EDA: variants seen among roughly 807,000 people sequenced by gnomAD.
EDA encodes the protein ectodysplasin-A.
Under a neutral mutation model 23.6 loss-of-function variants are expected in EDA, and 2 were observed. The observed-to-expected ratio is 0.08, with a 90% CI of 0.03 to 0.27. EDA has a LOEUF of 0.27. Ranked by LOEUF, EDA falls within the 10% of genes least tolerant of loss-of-function variation. The pLI is 1.00. For synonymous variants in EDA, 131 were observed against 132.0 expected (o/e 0.99, Z 0.05); for missense variants, 229 against 324.2 (o/e 0.71, Z 2.26).
chrX:70,033,553 CTT>C (rs1320447376), intron 7 of EDA, 25 bp downstream of exon 7: 2 of 1,208,337 alleles, frequency 1.7e-6, no homozygotes, highest in East Asian at 5.9e-5. Flanking sequence ...AGGCCTAACT[CTT>C]CTTATATCCA....
intron 2 of EDA, among the ~76,000 whole-genome samples, chrX:69,965,416 A>G (rs2019159589): frequency 1.8e-5 from 2 of 112,151 alleles, no homozygotes; most frequent in Non-Finnish European, 3.8e-5. Context: ...GCAATGGGGA[A>G]GTACAGGATC....
chrX:70,021,610 T>A (rs1172021410), intron 2 of EDA, among the ~76,000 whole-genome samples: 1 of 110,906 alleles, frequency 9.0e-6, no homozygotes, highest in Non-Finnish European at 1.9e-5. Context: ...AAAAAAAAAA[T>A]TCATAAAGGA....
At chrX:69,617,010 C>CA in intron 1 of EDA, 1 of 424,249 alleles carries the variant, frequency 2.4e-6, no homozygotes, top group South Asian at 4.4e-5. Context: ...TGCGCTGCCC[C>CA]CCGGCCGACT....
intron 1 of EDA, among the ~76,000 whole-genome samples, chrX:69,784,989 C>T (rs974488458): frequency 9.1e-6 from 1 of 109,543 alleles, no homozygotes; most frequent in African/African-American, 3.3e-5. Flanking sequence ...TTGTAGTTCT[C>T]CTTGAAGAGG....
intron 1 of EDA, among the ~76,000 whole-genome samples, chrX:69,709,077 G>T (rs1376096356): frequency 8.9e-6 from 1 of 112,268 alleles, no homozygotes; most frequent in Non-Finnish European, 1.9e-5. Flanking sequence ...CTGAGATCAT[G>T]ATGGTTCACT....
At chrX:69,747,732 G>T (rs1478811039) in intron 1 of EDA, among the ~76,000 whole-genome samples, 1 of 111,966 alleles carries the variant, frequency 8.9e-6, no homozygotes, top group East Asian at 2.8e-4. Context: ...GCTTGCCCAT[G>T]GGTTAGATGG....
rs1181006363 is a variant in EDA at position 69,910,350 on chromosome X, G to GGAGAGAGA, written c.397-46659_397-46652dup. ...GGTTATCTATAATATGCTAGGTAAA[G>GGAGAGAGA]GAGAGAGAGAGAGAGAGAGAGAGAG... is the stretch of plus-strand genomic sequence containing the variant. On this transcript the variant is annotated intron_variant, in intron 1 of 7. Transcript: ENST00000374552. Among the ~76,000 whole-genome samples the GGAGAGAGA allele has an allele frequency of 5.5e-4, 35 of 63,549 alleles. No homozygotes were observed. The East Asian group carries it at 8.7e-3, about 16-fold the overall frequency. The allele number at this position is 63,549 out of a possible 115,157, so 55.2% of individuals were successfully genotyped here. A position where few individuals can be genotyped will look rare whatever the true frequency, so the allele number is the denominator to read the frequency against.
intron 1 of EDA, among the ~76,000 whole-genome samples, chrX:69,788,830 CT>C (rs1359146372): frequency 8.8e-6 from 1 of 113,360 alleles, no homozygotes; most frequent in African/African-American, 3.2e-5. Context: ...CCAGTTCCAG[CT>C]TCCCAGCTGC....
intron 1 of EDA, among the ~76,000 whole-genome samples, chrX:69,689,417 T>C (rs1250203982): frequency 1.8e-5 from 2 of 108,294 alleles, no homozygotes; most frequent in Admixed American, 1.0e-4. Flanking sequence ...TGTCTCAGCC[T>C]CCCGAGTAGC....
intron 1 of EDA, among the ~76,000 whole-genome samples, chrX:69,788,350 T>A (rs2015271343): frequency 8.9e-6 from 1 of 112,430 alleles, no homozygotes; most frequent in African/African-American, 3.2e-5. Flanking sequence ...TACGTTCCTT[T>A]GGAGGAGGAG....
intron 1 of EDA, among the ~76,000 whole-genome samples, chrX:69,776,584 A>G (rs1442899594): frequency 1.8e-5 from 2 of 111,105 alleles, no homozygotes; most frequent in Non-Finnish European, 3.8e-5. Context: ...TAAATTACCC[A>G]GTCTCGGGTA....
At chrX:69,651,321 T>C (rs182593831) in intron 1 of EDA, among the ~76,000 whole-genome samples, 31 of 111,710 alleles carry the variant, frequency 2.8e-4, no homozygotes, top group African/African-American at 9.4e-4. Flanking sequence ...GAAACTAGAA[T>C]AGTTGGATGT....
At chrX:69,757,326 G>A (rs765935879) in intron 1 of EDA, among the ~76,000 whole-genome samples, 8 of 111,838 alleles carry the variant, frequency 7.2e-5, no homozygotes, top group Non-Finnish European at 1.5e-4. Context: ...GAGGGGGAGT[G>A]CTAACTCATG....
intron 1 of EDA, among the ~76,000 whole-genome samples, chrX:69,850,585 A>C (rs1265924677): frequency 8.9e-6 from 1 of 112,320 alleles, no homozygotes. Flanking sequence ...ACTAAGATTA[A>C]CTGTTTCACT....
chrX:69,782,199 G>C (rs368517108), intron 1 of EDA, among the ~76,000 whole-genome samples: 3 of 109,115 alleles, frequency 2.7e-5, no homozygotes, highest in Non-Finnish European at 5.7e-5. Context: ...TCTTATTTTT[G>C]ATAAGTAAAA....
intron 1 of EDA, among the ~76,000 whole-genome samples, chrX:69,770,307 G>T (rs1400127298): frequency 4.5e-5 from 5 of 111,987 alleles, no homozygotes. Flanking sequence ...ATAAGAAACT[G>T]CCAAGTTGTT....
At chrX:69,681,997 T>C (rs1158187097) in intron 1 of EDA, among the ~76,000 whole-genome samples, 1 of 109,983 alleles carries the variant, frequency 9.1e-6, no homozygotes, top group Non-Finnish European at 1.9e-5. Flanking sequence ...CAGATGGGTT[T>C]TTGGTGTGGA....
intron 1 of EDA, among the ~76,000 whole-genome samples, chrX:69,640,071 G>A (rs5936711): frequency 0.058 from 6,476 of 111,357 alleles, 189 homozygotes; most frequent in Middle Eastern, 0.086. Flanking sequence ...TCATATATGT[G>A]AGGATTTATT....
At chrX:69,945,860 C>T (rs2018825945) in intron 1 of EDA, among the ~76,000 whole-genome samples, 1 of 111,862 alleles carries the variant, frequency 8.9e-6, no homozygotes, top group African/African-American at 3.2e-5. Flanking sequence ...AAAAAATTGT[C>T]TCTCAAGACA....
Sources: allele counts gnomAD v4.1 joint callset (sites outside exome capture counted in the v4.1 genomes callset), GRCh38; gene constraint gnomAD v4.1.1; transcripts MANE v1.5; gene names NCBI Gene and HGNC (gene_info 2026-07-23, HGNC 2026-07-21).